SMURF2: variants seen among roughly 807,000 people sequenced by gnomAD.
SMURF2 encodes the protein E3 ubiquitin-protein ligase SMURF2.
SMURF2 carries 48 observed loss-of-function variants against 109.6 expected under a neutral mutation model. That is an observed-to-expected ratio of 0.44 (90% CI 0.35 to 0.56). SMURF2 has a LOEUF of 0.56. Among genes scored for constraint, SMURF2 ranks in the 20% least tolerant of loss-of-function variants. SMURF2 has a pLI of 0.01. For missense variants in SMURF2, 575 were observed against 909.0 expected (o/e 0.63, Z 4.72); for synonymous variants, 288 against 317.1 (o/e 0.91, Z 0.97).
chr17:64,636,035 T>C lies in SMURF2; in HGVS notation c.52+25794A>G, dbSNP rs1364653484. ...CTAGTGGTCGTGAAGTAGTATCCCA[T>C]TGTGGTTTTCATTTTCATTTCCCTA... On this transcript the variant is annotated intron_variant, in intron 1 of 18. Coordinates refer to ENST00000262435, the MANE Select transcript of SMURF2 (RefSeq NM_022739.4). 2.0e-5 allele frequency among the ~76,000 whole-genome samples: 3 copies of C among 152,190 alleles called. No individual in the cohort carries two copies. In the South Asian group the frequency reaches 6.2e-4, roughly 32 times the overall value.
chr17:64,566,575 T>TTTTTG (rs1969311628), intron 10 of SMURF2, among the ~76,000 whole-genome samples: 1 of 103,264 alleles, frequency 9.7e-6, no homozygotes, highest in East Asian at 2.9e-4. Context: ...TTTTTTTTTT[T>TTTTTG]TTTTTTTTTT....
chr17:64,558,615 A>G (rs1555684242), intron 12 of SMURF2, among the ~76,000 whole-genome samples: 9 of 152,218 alleles, frequency 5.9e-5, no homozygotes, highest in African/African-American at 2.2e-4. Flanking sequence ...CAAGGATTGC[A>G]AGGCATTTGG....
At chr17:64,634,399 T>G (rs1453134143) in intron 1 of SMURF2, among the ~76,000 whole-genome samples, 3 of 152,192 alleles carry the variant, frequency 2.0e-5, no homozygotes, top group Non-Finnish European at 4.4e-5. Context: ...TTGCCTAGGA[T>G]GAGGCATGTA....
At chr17:64,574,190 C>A (rs141281675) in intron 9 of SMURF2, among the ~76,000 whole-genome samples, 3 of 152,186 alleles carry the variant, frequency 2.0e-5, no homozygotes, top group Middle Eastern at 3.4e-3. Flanking sequence ...AATTTCATTT[C>A]ATGTCATTTT....
intron 1 of SMURF2, among the ~76,000 whole-genome samples, chr17:64,617,267 T>C (rs1298256053): frequency 6.6e-6 from 1 of 152,058 alleles, no homozygotes; most frequent in Non-Finnish European, 1.5e-5. Context: ...TATCTTGTCA[T>C]TTAATGAAGG....
chr17:64,549,021 C>T (rs1445143451), intron 16 of SMURF2, among the ~76,000 whole-genome samples: 3 of 151,982 alleles, frequency 2.0e-5, no homozygotes, highest in East Asian at 1.9e-4. Flanking sequence ...TGGTAGCTCA[C>T]GCCTGTAATC....
chr17:64,636,602 C>CAA lies in SMURF2; in HGVS notation c.52+25225_52+25226dup, dbSNP rs782425202. Among the ~76,000 whole-genome samples the CAA allele has an allele frequency of 8.1e-3, 315 of 38,726 alleles. 17 individuals carry two copies. Among genetic ancestry groups the CAA allele is most frequent in the African/African-American group, 0.025 (276 of 11,196 alleles). 25.4% of individuals were successfully genotyped at this position (38,726 alleles called of 152,430 possible). ...TGGACATCAGGGCCAGACTCTGCCT[C>CAA]AAAAAAAAAAAAAAAAAAAAAAAAA... On this transcript the variant is annotated intron_variant, in intron 1 of 18. Coordinates refer to ENST00000262435, the MANE Select transcript of SMURF2 (RefSeq NM_022739.4).
At chr17:64,546,198 C>A in intron 18 of SMURF2, 65 bp downstream of exon 18, 1 of 1,506,144 alleles carries the variant, frequency 6.6e-7, no homozygotes, top group South Asian at 1.1e-5. Flanking sequence ...AATAAAAAGT[C>A]AAATCTGTTT....
chr17:64,554,863 A>G lies in SMURF2; in HGVS notation c.1741T>C (p.Tyr581His). Residue 581 changes from tyrosine (Y) to histidine (H), a missense_variant, in exon 15 of 19, where the codon TAT (tyrosine) becomes CAT (histidine). Around this residue, in one of 5 missense-constraint regions of SMURF2, gnomAD observed 361 missense variants for 612.1 expected, o/e 0.59. Coordinates refer to ENST00000262435, the MANE Select transcript of SMURF2 (RefSeq NM_022739.4). Reference sequence around the variant, plus strand: ...GAACACAGGAGTGTTTACCTGACATATTCTTTTTTATTTTCTTCATTAACA... The same window carrying G: ...GAACACAGGAGTGTTTACCTGACATGTTCTTTTTTATTTTCTTCATTAACA... ...IPVNEENKKEYVRLYVNWRFL... is the reference protein window; with the variant it reads ...IPVNEENKKEHVRLYVNWRFL... The G allele has an allele frequency of 6.2e-7, 1 of 1,613,426 alleles. No individual in the cohort carries two copies. The highest frequency in any genetic ancestry group is 8.5e-7 in the Non-Finnish European group (1 of 1,179,696).
intron 10 of SMURF2, among the ~76,000 whole-genome samples, chr17:64,567,578 T>C (rs1293916979): frequency 1.3e-5 from 2 of 152,244 alleles, no homozygotes; most frequent in Non-Finnish European, 1.5e-5. Flanking sequence ...AAAGCAGAGA[T>C]GTCCAATCTT....
chr17:64,553,515 AAAAAAACAAAAC>A (rs1316109978), intron 15 of SMURF2, among the ~76,000 whole-genome samples: 1 of 151,780 alleles, frequency 6.6e-6, no homozygotes. Flanking sequence ...AAAAAAACCC[AAAAAAACAAAAC>A]AAAAAACAAA....
Position 64,586,096 on chromosome 17 carries a change from A to T in SMURF2, c.475T>A (p.Leu159Ile), listed in dbSNP as rs781962594. The T allele has an allele frequency of 1.2e-6, 2 of 1,608,312 alleles. No individual in the cohort carries two copies. Among genetic ancestry groups the T allele is most frequent in the Non-Finnish European group, 1.7e-6 (2 of 1,177,114 alleles). Residue 159 changes from leucine (L) to isoleucine (I), a missense_variant, in exon 6 of 19, where the codon TTA becomes ATA. Physicochemically the swap from Leu to Ile is conservative, Grantham distance 5. Coordinates refer to ENST00000262435, the MANE Select transcript of SMURF2 (RefSeq NM_022739.4). ...GTGATGTTAGCTTACCCGTCTGGTA[A>T]ATCGTTATCAAATAAACGACTGCAG... ...VDCSRLFDND[L>I]PDGWEERRTA...
chr17:64,651,215 G>GTATA (rs151259329), intron 1 of SMURF2, among the ~76,000 whole-genome samples: 9 of 150,762 alleles, frequency 6.0e-5, no homozygotes, highest in African/African-American at 2.2e-4. Context: ...ATATTTTTGT[G>GTATA]TATATATATA....
intron 11 of SMURF2, 120 bp downstream of exon 11, chr17:64,562,651 T>A (rs886907574): frequency 9.0e-5 from 83 of 923,012 alleles, no homozygotes; most frequent in Non-Finnish European, 1.2e-4. Flanking sequence ...GTGCTGGGAT[T>A]ACAGGCGTGA....
intron 1 of SMURF2, among the ~76,000 whole-genome samples, chr17:64,626,612 A>C (rs1970271928): frequency 6.6e-6 from 1 of 152,016 alleles, no homozygotes; most frequent in Admixed American, 6.6e-5. Flanking sequence ...AAAATACAAA[A>C]ATTAGCCAGG....
At chr17:64,560,943 G>C (rs1969205431) in intron 12 of SMURF2, 2 of 143,392 alleles carry the variant, frequency 1.4e-5, no homozygotes, top group African/African-American at 5.5e-5. Flanking sequence ...TCCAGCCTGG[G>C]TGACAGAGGG....
chr17:64,548,410 CAG>C (rs1968990884), intron 16 of SMURF2, among the ~76,000 whole-genome samples: 1 of 151,484 alleles, frequency 6.6e-6, no homozygotes, highest in African/African-American at 2.4e-5. Context: ...TTTTTTAAGA[CAG>C]AATTTTGCTC....
At chr17:64,601,408 A>C (rs1969893796) in intron 2 of SMURF2, among the ~76,000 whole-genome samples, 1 of 152,246 alleles carries the variant, frequency 6.6e-6, no homozygotes, top group African/African-American at 2.4e-5. Context: ...TCTCAAAAAA[A>C]GATATATCAA....
intron 10 of SMURF2, among the ~76,000 whole-genome samples, chr17:64,565,344 G>A (rs748816306): frequency 6.6e-6 from 1 of 152,222 alleles, no homozygotes; most frequent in Non-Finnish European, 1.5e-5. Context: ...TGAGAGTGCA[G>A]GCCAGGAAAC....
Sources: allele counts gnomAD v4.1 joint callset (sites outside exome capture counted in the v4.1 genomes callset), GRCh38; gene constraint gnomAD v4.1.1; regional missense constraint gnomAD v4.1.1; transcripts MANE v1.5; gene names NCBI Gene and HGNC (gene_info 2026-07-23, HGNC 2026-07-21).